CCDC144A: variants seen among roughly 807,000 people sequenced by gnomAD.
The protein encoded by CCDC144A is coiled-coil domain containing 144A, also known as coiled-coil domain-containing protein 144A.
Under a neutral mutation model 143.8 loss-of-function variants are expected in CCDC144A, and 41 were observed. That is an observed-to-expected ratio of 0.29 (90% CI 0.22 to 0.37). The LOEUF (loss-of-function observed/expected upper bound fraction) is 0.37, where lower values mean the gene tolerates loss of function less well. Among genes scored for constraint, CCDC144A ranks in the 10% least tolerant of loss-of-function variants. CCDC144A has a pLI of 1.00. For missense variants in CCDC144A, 637 were observed against 1,488.8 expected (o/e 0.43, Z 9.41); for synonymous variants, 242 against 517.9 (o/e 0.47, Z 7.23).
chr17:16,770,023 T>C (rs1915763543), intron 15 of CCDC144A, among the ~76,000 whole-genome samples: 1 of 151,382 alleles, frequency 6.6e-6, no homozygotes, highest in African/African-American at 2.4e-5. Flanking sequence ...AGACGGGGTT[T>C]CACCATATTG....
intron 6 of CCDC144A, among the ~76,000 whole-genome samples, chr17:16,719,645 T>C (rs1195286633): frequency 6.6e-6 from 1 of 151,982 alleles, no homozygotes; most frequent in Non-Finnish European, 1.5e-5. Flanking sequence ...TCTTAATATG[T>C]TACTGACCTC....
At chr17:16,759,153 C>T (rs1323118650) in intron 12 of CCDC144A, among the ~76,000 whole-genome samples, 1 of 152,114 alleles carries the variant, frequency 6.6e-6, no homozygotes, top group Non-Finnish European at 1.5e-5. Flanking sequence ...ACAGATGCTC[C>T]TCAGATTAGG....
chr17:16,684,711 C>T (rs72637363), upstream of CCDC144A, among the ~76,000 whole-genome samples: 13,825 of 151,602 alleles, frequency 0.091, 929 homozygotes, highest in East Asian at 0.32. Context: ...ACATCTGTAA[C>T]CCAGCAATTT....
At chr17:16,687,775 C>G (rs906095691), upstream of CCDC144A, among the ~76,000 whole-genome samples, 3 of 152,162 alleles carry the variant, frequency 2.0e-5, no homozygotes, top group African/African-American at 7.2e-5. Flanking sequence ...GACATAACCT[C>G]ACAGCCTTTT....
intron 5 of CCDC144A, among the ~76,000 whole-genome samples, chr17:16,711,094 T>TAAG (rs1912380347): frequency 7.7e-6 from 1 of 129,998 alleles, no homozygotes; most frequent in Non-Finnish European, 1.6e-5. Flanking sequence ...GACTTGTATT[T>TAAG]CAGTAAGCAC....
At chr17:16,667,912 G>A in the CCDC144A span, among the ~76,000 whole-genome samples, 3 of 148,272 alleles carry the variant, frequency 2.0e-5, no homozygotes, top group African/African-American at 7.4e-5. Flanking sequence ...TTGTGCAGAG[G>A]TGGGAAGACT....
intron 14 of CCDC144A, among the ~76,000 whole-genome samples, chr17:16,763,132 G>A (rs1915450068): frequency 1.3e-5 from 2 of 151,030 alleles, no homozygotes. Context: ...AGGGTTGAAG[G>A]GAAGTATAAC....
chr17:16,681,160 A>G, the CCDC144A span, among the ~76,000 whole-genome samples: 3 of 152,176 alleles, frequency 2.0e-5, no homozygotes, highest in Non-Finnish European at 2.9e-5. Flanking sequence ...TATATAAAAT[A>G]TATTTTAAAA....
chr17:16,734,617 A>G (rs2261536), intron 11 of CCDC144A, 73 bp from the exon 12 acceptor site: 7 of 1,403,620 alleles, frequency 5.0e-6, no homozygotes, highest in Non-Finnish European at 6.6e-6. Context: ...CATTGTATAC[A>G]TTATTTAATT....
intron 12 of CCDC144A, among the ~76,000 whole-genome samples, chr17:16,755,616 G>A (rs2143339478): frequency 6.6e-6 from 1 of 152,314 alleles, no homozygotes; most frequent in South Asian, 2.1e-4. Context: ...CTGGAGTTCA[G>A]TGGCATGATC....
At chr17:16,724,371 A>T (rs561829181) in intron 8 of CCDC144A, among the ~76,000 whole-genome samples, 70 of 152,278 alleles carry the variant, frequency 4.6e-4, no homozygotes, top group Non-Finnish European at 8.4e-4. Context: ...CTCTGTCTCT[A>T]CTAAAAATAC....
chr17:16,693,536 C>T (rs1404771950), intron 2 of CCDC144A, among the ~76,000 whole-genome samples: 1 of 151,948 alleles, frequency 6.6e-6, no homozygotes. Context: ...AGGATGGTCT[C>T]GATCTCCTGA....
At chr17:16,705,670 CAT>C (rs1912008884) in intron 3 of CCDC144A, 1 of 402,922 alleles carries the variant, frequency 2.5e-6, no homozygotes. Flanking sequence ...TAGGGACTAA[CAT>C]AGGATTATAT....
At chr17:16,691,062 C>A (rs1364527510) in intron 1 of CCDC144A, among the ~76,000 whole-genome samples, 2 of 152,172 alleles carry the variant, frequency 1.3e-5, no homozygotes. Flanking sequence ...TTAAGAACTT[C>A]ATGTTGGCCG....
intron 8 of CCDC144A, among the ~76,000 whole-genome samples, 167 bp downstream of exon 8, chr17:16,720,825 T>C (rs1051856854): frequency 1.3e-5 from 2 of 152,242 alleles, no homozygotes; most frequent in Non-Finnish European, 2.9e-5. Context: ...ATAACTCCAC[T>C]GTACTTTTCT....
In CCDC144A at chr17:16,725,002, ATTTTTTTTTTTTT is replaced by A. The variant is rs1167527388; in HGVS notation, c.1892-2505_1892-2493del. On this transcript the variant is annotated intron_variant, in intron 8 of 16. Transcript: ENST00000399273. The stretch of plus-strand genomic sequence containing the variant: ...AGGAAATGACTGTTTATAGCTGGTA[ATTTTTTTTTTTTT>A]TTTTTTTTTTTTTTTTTTTGTGTGA... Among the ~76,000 whole-genome samples the A allele has an allele frequency of 5.5e-3, 204 of 37,182 alleles. 1 individual carries two copies. Among genetic ancestry groups the A allele is most frequent in the Non-Finnish European group, 9.0e-3 (170 of 18,848 alleles). The allele number at this position is 37,182 out of a possible 152,430, so 24.4% of individuals were successfully genotyped here.
chr17:16,695,004 T>A (rs1193932958), intron 2 of CCDC144A, among the ~76,000 whole-genome samples: 4 of 152,238 alleles, frequency 2.6e-5, no homozygotes, highest in Admixed American at 2.6e-4. Flanking sequence ...TGATGCCTAA[T>A]GCATTGGACA....
At chr17:16,754,424 T>C (rs1567606986) in intron 12 of CCDC144A, among the ~76,000 whole-genome samples, 1 of 152,254 alleles carries the variant, frequency 6.6e-6, no homozygotes, top group South Asian at 2.1e-4. Flanking sequence ...GTGCTTCTTT[T>C]GTCACTTTCT....
rs909733131 is a variant in CCDC144A, at chr17:16,729,985, T to C, written c.2106-1815T>C. Among the ~76,000 whole-genome samples the C allele has an allele frequency of 2.2e-3, 276 of 123,834 alleles. 5 individuals carry two copies. The highest frequency in any genetic ancestry group is 6.5e-3 in the Admixed American group (82 of 12,580). 81.2% of individuals were successfully genotyped at this position (123,834 alleles called of 152,430 possible). A position where few individuals can be genotyped will look rare whatever the true frequency, so the allele number is the denominator to read the frequency against. ...TTTCATATATATATATATATATATA[T>C]ATATATACACACATACATTTTTTGT... On this transcript the variant is annotated intron_variant, in intron 9 of 16. Transcript: ENST00000399273.
Sources: allele counts gnomAD v4.1 joint callset (sites outside exome capture counted in the v4.1 genomes callset), GRCh38; gene constraint gnomAD v4.1.1; transcripts MANE v1.5; gene names NCBI Gene and HGNC (gene_info 2026-07-23, HGNC 2026-07-21).